Variants in ADGRL2 observed in about 807,000 individuals in gnomAD.
ADGRL2 encodes adhesion G protein-coupled receptor L2.
A neutral mutation model predicts 157.4 loss-of-function variants in ADGRL2; 44 were observed. That is an observed-to-expected ratio of 0.28 (90% CI 0.22 to 0.36). The LOEUF (loss-of-function observed/expected upper bound fraction) is 0.36. ADGRL2 is among the 10% of genes least tolerant of loss of function. ADGRL2 has a pLI of 1.00. For missense variants in ADGRL2, 1,510 were observed against 1,768.9 expected (o/e 0.85, Z 2.63); for synonymous variants, 585 against 624.7 (o/e 0.94, Z 0.95).
chr1:81,462,832 G>T (rs568032337), intron 2 of ADGRL2, among the ~76,000 whole-genome samples: 29 of 152,210 alleles, frequency 1.9e-4, no homozygotes, highest in Non-Finnish European at 3.5e-4. Context: ...AGAAAAATAA[G>T]TTGGCTAGGC....
At chr1:81,408,783 A>C (rs1163262084) in intron 1 of ADGRL2, among the ~76,000 whole-genome samples, 2 of 152,216 alleles carry the variant, frequency 1.3e-5, no homozygotes, top group Non-Finnish European at 2.9e-5. Context: ...ATCTCTGCTA[A>C]AGAAAACCAT....
chr1:81,398,575 G>A (rs79698023), intron 1 of ADGRL2, among the ~76,000 whole-genome samples: 2,274 of 152,172 alleles, frequency 0.015, 49 homozygotes, highest in Admixed American at 0.047. Flanking sequence ...AGGCTGGTCT[G>A]GTGGTGATGA....
chr1:81,979,412 A>G (rs1327520636), intron 17 of ADGRL2, among the ~76,000 whole-genome samples: 1 of 151,774 alleles, frequency 6.6e-6, no homozygotes, highest in African/African-American at 2.4e-5. Flanking sequence ...CCTTATGAAT[A>G]GATTGGACAG....
upstream of ADGRL2, among the ~76,000 whole-genome samples, chr1:81,695,312 A>C (rs993296259): frequency 2.6e-5 from 4 of 151,864 alleles, no homozygotes; most frequent in African/African-American, 4.8e-5. Flanking sequence ...CATTTTAATA[A>C]ATAATAATAC....
At chr1:81,886,510 G>A (rs2094132413) in intron 2 of ADGRL2, among the ~76,000 whole-genome samples, 1 of 152,150 alleles carries the variant, frequency 6.6e-6, no homozygotes, top group Non-Finnish European at 1.5e-5. Context: ...TCTATAAAAT[G>A]TGATTGTAAT....
chr1:81,459,576 A>G (rs893332571), intron 2 of ADGRL2, among the ~76,000 whole-genome samples: 2 of 152,082 alleles, frequency 1.3e-5, no homozygotes, highest in Non-Finnish European at 2.9e-5. Flanking sequence ...TCATCTGCCT[A>G]TGGGCATTCA....
intron 3 of ADGRL2, among the ~76,000 whole-genome samples, chr1:81,639,245 A>AT (rs200208710): frequency 0.13 from 19,248 of 152,006 alleles, 1,669 homozygotes; most frequent in Non-Finnish European, 0.18. Context: ...TAACTTTTGT[A>AT]TTTTTAGTAG....
intron 1 of ADGRL2, among the ~76,000 whole-genome samples, chr1:81,821,944 G>GT (rs1024581011): frequency 2.7e-5 from 4 of 147,316 alleles, no homozygotes; most frequent in African/African-American, 7.5e-5. Context: ...AAGTAGCCAT[G>GT]TTTTTTTCAG....
At chr1:81,438,561 T>C (rs532797503) in intron 1 of ADGRL2, among the ~76,000 whole-genome samples, 3 of 152,254 alleles carry the variant, frequency 2.0e-5, no homozygotes, top group African/African-American at 7.2e-5. Context: ...CAGTAAATAA[T>C]ACTAAATATA....
intron 1 of ADGRL2, among the ~76,000 whole-genome samples, chr1:81,813,985 T>C (rs747753336): frequency 2.6e-4 from 39 of 151,714 alleles, no homozygotes; most frequent in Non-Finnish European, 4.9e-4. Flanking sequence ...GAAGGTAGAC[T>C]ACTGAGCGAT....
chr1:81,746,770 AAC>A (rs961591812), intron 1 of ADGRL2, among the ~76,000 whole-genome samples: 1 of 151,768 alleles, frequency 6.6e-6, no homozygotes, highest in Admixed American at 6.6e-5. Context: ...TAATTTAAAT[AAC>A]ACAACCATTA....
intron 3 of ADGRL2, among the ~76,000 whole-genome samples, chr1:81,674,350 T>C (rs1346830789): frequency 2.0e-5 from 3 of 152,236 alleles, no homozygotes; most frequent in Admixed American, 6.5e-5. Flanking sequence ...AGAACTCTAA[T>C]GCACGTAGAA....
At chr1:81,433,899 T>A (rs75546935) in intron 1 of ADGRL2, among the ~76,000 whole-genome samples, 2,387 of 152,262 alleles carry the variant, frequency 0.016, 39 homozygotes, top group African/African-American at 0.042. Flanking sequence ...TTCATTCACA[T>A]GCTGGTTGTA....
chr1:81,796,932 G>T (rs557772621), upstream of ADGRL2, among the ~76,000 whole-genome samples: 14 of 152,224 alleles, frequency 9.2e-5, no homozygotes, highest in South Asian at 2.9e-3. Context: ...AAACCTTACT[G>T]GCTTTGCCAA....
chr1:81,801,461 A>G (rs753874148), intron 1 of ADGRL2, among the ~76,000 whole-genome samples: 1 of 152,042 alleles, frequency 6.6e-6, no homozygotes, highest in Non-Finnish European at 1.5e-5. Flanking sequence ...CCGCTCACAC[A>G]CACGCAGAGG....
intron 2 of ADGRL2, among the ~76,000 whole-genome samples, chr1:81,842,648 A>G (rs1557755190): frequency 6.6e-6 from 1 of 151,912 alleles, no homozygotes; most frequent in Non-Finnish European, 1.5e-5. Context: ...GAGACACCAC[A>G]CCCAGCCTTT....
chr1:81,526,605 A>C (rs2079462374), intron 2 of ADGRL2, among the ~76,000 whole-genome samples: 1 of 152,222 alleles, frequency 6.6e-6, no homozygotes, highest in Admixed American at 6.5e-5. Flanking sequence ...TTAAACTTTT[A>C]AAAGTCCCGA....
intron 1 of ADGRL2, among the ~76,000 whole-genome samples, chr1:81,809,588 T>A (rs2089600682): frequency 6.6e-6 from 1 of 151,960 alleles, no homozygotes; most frequent in South Asian, 2.1e-4. Context: ...AAGAAAAATC[T>A]TCAGCCATCA....
intron 2 of ADGRL2, among the ~76,000 whole-genome samples, chr1:81,545,288 C>CTTT (rs57690437): frequency 2.1e-5 from 3 of 141,896 alleles, no homozygotes; most frequent in Non-Finnish European, 3.1e-5. Context: ...ACTGACTGAA[C>CTTT]TTTTTTTTTT....
Sources: allele counts gnomAD v4.1 joint callset (sites outside exome capture counted in the v4.1 genomes callset), GRCh38; gene constraint gnomAD v4.1.1; transcripts MANE v1.5; gene names NCBI Gene and HGNC (gene_info 2026-07-23, HGNC 2026-07-21).